The following TMEM132D variants were observed in gnomAD, a reference collection of about 807,000 sequenced individuals.
The protein encoded by TMEM132D is mature OL transmembrane protein.
A neutral mutation model predicts 62.3 loss-of-function variants in TMEM132D; 21 were observed. That is an observed-to-expected ratio of 0.34 (90% confidence interval 0.24 to 0.49). The LOEUF is 0.49. TMEM132D is among the 20% of genes least tolerant of loss of function. TMEM132D has a pLI of 0.99. For missense variants in TMEM132D, 1,346 were observed against 1,402.8 expected, an observed-to-expected ratio of 0.96 and a Z score of 0.65; for synonymous variants, 621 against 575.6, an observed-to-expected ratio of 1.08 and a Z score of -1.13.
intron 5 of TMEM132D, among the ~76,000 whole-genome samples, chr12:129,142,320 G>A (rs1028898935): frequency 1.3e-5 from 2 of 152,156 alleles, no homozygotes; most frequent in African/African-American, 4.8e-5. Context: ...CTCTGGATAA[G>A]ATGAATAAGA....
chr12:129,241,632 A>G (rs1879940010), intron 4 of TMEM132D, among the ~76,000 whole-genome samples: 1 of 152,072 alleles, frequency 6.6e-6, no homozygotes, highest in African/African-American at 2.4e-5. Context: ...TAATAAGCCA[A>G]CCTCAACAAT....
chr12:129,419,032 G>A (rs1332664385), intron 3 of TMEM132D, among the ~76,000 whole-genome samples: 3 of 152,304 alleles, frequency 2.0e-5, no homozygotes, highest in Non-Finnish European at 2.9e-5. Context: ...GCAGGGCCCC[G>A]CTGACACCTT....
At chr12:129,505,412 T>G (rs1035137139) in intron 3 of TMEM132D, among the ~76,000 whole-genome samples, 3 of 151,878 alleles carry the variant, frequency 2.0e-5, no homozygotes, top group Non-Finnish European at 4.4e-5. Flanking sequence ...CCGGCTAATT[T>G]TTTTGTATTT....
At chr12:129,367,110 G>A (rs905090157) in intron 3 of TMEM132D, among the ~76,000 whole-genome samples, 15 of 152,252 alleles carry the variant, frequency 9.9e-5, no homozygotes, top group Admixed American at 1.3e-4. Flanking sequence ...TGACGGATGC[G>A]ACTAGCAAGA....
chr12:129,249,755 G>A (rs1003613052), intron 4 of TMEM132D, among the ~76,000 whole-genome samples: 2 of 152,102 alleles, frequency 1.3e-5, no homozygotes, highest in South Asian at 2.1e-4. Context: ...AAAAGACCCC[G>A]AGTAGCTCAC....
chr12:129,374,164 A>T lies in TMEM132D; in HGVS notation c.1116-36347T>A, dbSNP rs923817835. Among the ~76,000 whole-genome samples the T allele has an allele frequency of 3.4e-4, 52 of 152,072 alleles. 1 individual carries two copies. Among genetic ancestry groups the T allele is most frequent in the African/African-American group, 1.2e-3 (49 of 41,420 alleles). On this transcript the variant is annotated intron_variant, in intron 3 of 8. Transcript: ENST00000422113. ...AAACAACGGACATTTATTTCTCAGC[A>T]TTCTGGAAGATGGAAGGTCTGAGAT...
Position 129,903,559 on chromosome 12 carries a change from C to T in TMEM132D, c.-220G>A, listed in dbSNP as rs906183682. On this transcript the variant is annotated 5_prime_UTR_variant, in exon 1 of 9. Coordinates refer to ENST00000422113, the MANE Select transcript of TMEM132D (RefSeq NM_133448.3). This position sits in a 1 kb window ranked among gnomAD's most constrained non-coding sequence, Gnocchi z 6.2. ...TCCTGAGTTGCTCTCCGGAGTCCAA[C>T]ACGCGCGCAGGCAAACCCCACCTCC... The T allele has an allele frequency of 3.5e-6, 2 of 572,032 alleles. No homozygotes were observed. Among genetic ancestry groups the T allele is most frequent in the Admixed American group, 3.0e-5 (1 of 32,850 alleles). 35.4% of individuals were successfully genotyped at this position (572,032 alleles called of 1,614,324 possible).
intron 1 of TMEM132D, among the ~76,000 whole-genome samples, chr12:129,839,278 T>C (rs1361501851): frequency 2.6e-5 from 4 of 151,422 alleles, no homozygotes; most frequent in Non-Finnish European, 5.9e-5. Context: ...TACAGGTGTG[T>C]GCCACCATGC....
intron 3 of TMEM132D, among the ~76,000 whole-genome samples, chr12:129,438,642 T>C (rs1053000494): frequency 2.0e-5 from 3 of 152,114 alleles, no homozygotes; most frequent in African/African-American, 7.2e-5. Context: ...GGAGGGGACA[T>C]GAGGGCATCT....
At chr12:129,223,723 T>G (rs1196282090) in intron 4 of TMEM132D, among the ~76,000 whole-genome samples, 1 of 152,206 alleles carries the variant, frequency 6.6e-6, no homozygotes, top group Non-Finnish European at 1.5e-5. Context: ...GGTGTTAGCT[T>G]CCTAACTTTT....
Position 129,109,419 on chromosome 12 carries a change from A to G in TMEM132D, c.1444-24717T>C, listed in dbSNP as rs180855712. Among the ~76,000 whole-genome samples, 66 of 152,334 alleles carry G rather than the reference A, an allele frequency of 4.3e-4. 2 individuals are homozygous for G. The highest frequency in any genetic ancestry group is 3.9e-3 in the Admixed American group (59 of 15,296). On this transcript the variant is annotated intron_variant, in intron 5 of 8. Coordinates refer to ENST00000422113, the MANE Select transcript of TMEM132D (RefSeq NM_133448.3). ...GTCTGAAGAGTAAATGAGTTAATAT[A>G]GATAAACTCCTTAGACTTTTGCCTG...
chr12:129,415,036 G>A (rs943127090), intron 3 of TMEM132D, among the ~76,000 whole-genome samples: 1 of 152,128 alleles, frequency 6.6e-6, no homozygotes, highest in Admixed American at 6.6e-5. Flanking sequence ...CATCACATGT[G>A]CACACTCCAT....
At chr12:129,571,012 G>A (rs561771732) in intron 2 of TMEM132D, among the ~76,000 whole-genome samples, 5 of 152,260 alleles carry the variant, frequency 3.3e-5, no homozygotes, top group Non-Finnish European at 7.4e-5. Flanking sequence ...GAAGGGGGAG[G>A]GGCTGATGGG....
At chr12:129,160,062 T>C (rs1403044854) in intron 5 of TMEM132D, among the ~76,000 whole-genome samples, 1 of 152,260 alleles carries the variant, frequency 6.6e-6, no homozygotes, top group East Asian at 1.9e-4. Flanking sequence ...AAAAAGCTTG[T>C]TGAACAGGGA....
chr12:129,639,228 C>CA (rs1302556125), intron 2 of TMEM132D, among the ~76,000 whole-genome samples: 1 of 151,104 alleles, frequency 6.6e-6, no homozygotes, highest in African/African-American at 2.4e-5. Context: ...ACTAAAAATA[C>CA]AAAAAATAGC....
intron 5 of TMEM132D, among the ~76,000 whole-genome samples, chr12:129,193,083 G>A (rs559510474): frequency 1.3e-5 from 2 of 150,530 alleles, no homozygotes; most frequent in East Asian, 2.0e-4. Context: ...GCGTGAACCC[G>A]GGAGGCGGAG....
chr12:129,642,133 G>A (rs1593101677), intron 2 of TMEM132D, among the ~76,000 whole-genome samples: 3 of 152,220 alleles, frequency 2.0e-5, no homozygotes, highest in Middle Eastern at 3.4e-3. Context: ...GAAGTCTAAC[G>A]GAAGGGGCCT....
intron 3 of TMEM132D, among the ~76,000 whole-genome samples, chr12:129,509,608 C>T: frequency 6.6e-6 from 1 of 152,084 alleles, no homozygotes; most frequent in East Asian, 1.9e-4. Context: ...ACCATCCTTA[C>T]CTCCCCTTCT....
At chr12:129,839,149 T>TTTTTTTTTG in intron 1 of TMEM132D, among the ~76,000 whole-genome samples, 1 of 135,744 alleles carries the variant, frequency 7.4e-6, no homozygotes, top group Non-Finnish European at 1.6e-5. Context: ...TTTTTTTTTT[T>TTTTTTTTTG]GAGATGGAAT....
Sources: gnomAD v4.1 joint callset for allele counts (sites outside exome capture counted in the v4.1 genomes callset) on GRCh38, gnomAD v4.1.1 for gene constraint, Gnocchi (gnomAD v3.1) non-coding constraint, MANE v1.5 for transcripts, NCBI Gene and HGNC (gene_info 2026-07-23, HGNC 2026-07-21) for gene names.